LOC128092252: variants seen among roughly 807,000 people sequenced by gnomAD.
chr15:50,679,094 G>A, the LOC128092252 span, among the ~76,000 whole-genome samples: 3 of 136,246 alleles, frequency 2.2e-5, 1 homozygote, highest in Non-Finnish European at 4.8e-5. Context: ...GGATGGTCTC[G>A]ATCTCTTGAC....
the LOC128092252 span, among the ~76,000 whole-genome samples, chr15:50,674,804 G>C: frequency 6.6e-6 from 1 of 152,112 alleles, no homozygotes. Flanking sequence ...AGTATTCTTG[G>C]ATAATGGGTT....
chr15:50,663,016 T>A, the LOC128092252 span: 20 of 1,613,830 alleles, frequency 1.2e-5, 1 homozygote, highest in South Asian at 2.2e-4. Context: ...TCCCTCTTGG[T>A]CAAAGTGCTT....
At chr15:50,679,597 G>C in the LOC128092252 span, among the ~76,000 whole-genome samples, 1 of 139,788 alleles carries the variant, frequency 7.2e-6, no homozygotes, top group African/African-American at 2.8e-5. Flanking sequence ...GTGCAGTGGC[G>C]CAATCTGGAG....
the LOC128092252 span, among the ~76,000 whole-genome samples, chr15:50,649,118 T>C: frequency 6.6e-6 from 1 of 152,068 alleles, no homozygotes; most frequent in South Asian, 2.1e-4. Flanking sequence ...ACATGAGGCA[T>C]CTACAAAACA....
the LOC128092252 span, among the ~76,000 whole-genome samples, chr15:50,682,040 T>C: frequency 6.6e-6 from 1 of 151,790 alleles, no homozygotes; most frequent in Non-Finnish European, 1.5e-5. Flanking sequence ...TAGTCAGGCA[T>C]GGTGGCAGGC....
At chr15:50,683,279 AAAAG>A in the LOC128092252 span, among the ~76,000 whole-genome samples, 2 of 152,090 alleles carry the variant, frequency 1.3e-5, no homozygotes, top group African/African-American at 2.4e-5. Context: ...AGATTTCCCA[AAAAG>A]AAAGGAGAAA....
At chr15:50,661,338 T>G in the LOC128092252 span, among the ~76,000 whole-genome samples, 1 of 152,144 alleles carries the variant, frequency 6.6e-6, no homozygotes, top group African/African-American at 2.4e-5. Context: ...GCATATAGAC[T>G]GAATGTAGCA....
chr15:50,683,505 C>A, the LOC128092252 span, among the ~76,000 whole-genome samples: 1 of 151,192 alleles, frequency 6.6e-6, no homozygotes, highest in East Asian at 1.9e-4. Flanking sequence ...GAGGCCGAGG[C>A]GGGTGGATCA....
the LOC128092252 span, chr15:50,686,698 G>T: frequency 1.1e-6 from 1 of 881,326 alleles, no homozygotes; most frequent in Non-Finnish European, 1.7e-6. Context: ...GGCGCTAGCA[G>T]CAGAAGCCGA....
At chr15:50,655,414 C>T in the LOC128092252 span, among the ~76,000 whole-genome samples, 1 of 137,978 alleles carries the variant, frequency 7.2e-6, no homozygotes, top group Admixed American at 8.6e-5. Flanking sequence ...GCCTGGACAA[C>T]AGACCAAGAC....
At chr15:50,682,071 G>A in the LOC128092252 span, among the ~76,000 whole-genome samples, 1 of 150,280 alleles carries the variant, frequency 6.7e-6, no homozygotes, top group Admixed American at 6.7e-5. Flanking sequence ...CCAGCTACTC[G>A]AGAGGCTGAG....
the LOC128092252 span, among the ~76,000 whole-genome samples, chr15:50,650,696 A>G: frequency 1.4e-5 from 2 of 144,724 alleles, no homozygotes; most frequent in Admixed American, 6.9e-5. Context: ...CTGGGTCTCA[A>G]AAAAAACAAA....
chr15:50,678,102 G>A, the LOC128092252 span, among the ~76,000 whole-genome samples: 1 of 151,576 alleles, frequency 6.6e-6, no homozygotes, highest in Non-Finnish European at 1.5e-5. Context: ...TCAGCCGGGC[G>A]TGGTGGTGGG....
At chr15:50,661,259 G>A in the LOC128092252 span, among the ~76,000 whole-genome samples, 9 of 152,104 alleles carry the variant, frequency 5.9e-5, no homozygotes, top group Admixed American at 5.2e-4. Context: ...ACAGGTGTCA[G>A]CCACCGCACC....
the LOC128092252 span, among the ~76,000 whole-genome samples, chr15:50,686,134 T>C: frequency 6.6e-6 from 1 of 152,206 alleles, no homozygotes; most frequent in Non-Finnish European, 1.5e-5. Flanking sequence ...TTCCCTTATC[T>C]GCCAGCAACT....
At chr15:50,653,112 C>G in the LOC128092252 span, among the ~76,000 whole-genome samples, 1 of 152,182 alleles carries the variant, frequency 6.6e-6, no homozygotes, top group Non-Finnish European at 1.5e-5. Context: ...ACACTGCACT[C>G]CAGTCTGGGC....
chr15:50,665,978 G>A, the LOC128092252 span, among the ~76,000 whole-genome samples: 1 of 151,722 alleles, frequency 6.6e-6, no homozygotes, highest in Non-Finnish European at 1.5e-5. Context: ...GGGCAACAGA[G>A]CGAGACTCTC....
At chr15:50,674,180 G>C in the LOC128092252 span, among the ~76,000 whole-genome samples, 55,886 of 151,974 alleles carry the variant, frequency 0.37, 11,354 homozygotes, top group Non-Finnish European at 0.44. Flanking sequence ...GTAGAGATGG[G>C]GTTTCACCAT....
At chr15:50,674,946 A>G in the LOC128092252 span, among the ~76,000 whole-genome samples, 1 of 152,200 alleles carries the variant, frequency 6.6e-6, no homozygotes, top group Non-Finnish European at 1.5e-5. Flanking sequence ...AAACTTTAGC[A>G]AACAATTTGC....
Sources: allele counts gnomAD v4.1 joint callset (sites outside exome capture counted in the v4.1 genomes callset), GRCh38; gene constraint gnomAD v4.1.1; transcripts MANE v1.5.